Variants in MTUS2 observed in about 807,000 individuals in gnomAD.
MTUS2 encodes microtubule associated scaffold protein 2, also known as microtubule-associated tumor suppressor candidate 2.
Under a neutral mutation model 114.1 loss-of-function variants are expected in MTUS2, and 40 were observed. The observed-to-expected ratio is 0.35, with a 90% CI of 0.27 to 0.46. The LOEUF (loss-of-function observed/expected upper bound fraction) is 0.46. MTUS2 is among the 20% of genes least tolerant of loss of function. The pLI, the probability that MTUS2 is intolerant of heterozygous loss-of-function variation, is 1.00. For missense variants in MTUS2, 1,679 were observed against 1,705.4 expected (o/e 0.98, Z 0.27); for synonymous variants, 688 against 672.0 (o/e 1.02, Z -0.37).
intron 8 of MTUS2, among the ~76,000 whole-genome samples, chr13:29,419,060 T>C (rs1374823941): frequency 1.3e-5 from 2 of 152,206 alleles, no homozygotes; most frequent in African/African-American, 4.8e-5. Context: ...GACCTAACTT[T>C]TTGTTTCTTT....
intron 2 of MTUS2, among the ~76,000 whole-genome samples, chr13:28,988,189 G>GTATA (rs1884673940): frequency 1.3e-5 from 2 of 151,782 alleles, no homozygotes; most frequent in Non-Finnish European, 2.9e-5. Flanking sequence ...GGGACTGGAG[G>GTATA]GACAAAAGTG....
At chr13:29,340,790 CCTCA>C (rs1462733247) in intron 7 of MTUS2, among the ~76,000 whole-genome samples, 1 of 152,098 alleles carries the variant, frequency 6.6e-6, no homozygotes, top group Non-Finnish European at 1.5e-5. Context: ...GTCTTTCATC[CCTCA>C]CTCACTTCCC....
chr13:28,907,506 C>G (rs1286270197), intron 2 of MTUS2, among the ~76,000 whole-genome samples: 1 of 151,340 alleles, frequency 6.6e-6, no homozygotes, highest in South Asian at 2.1e-4. Context: ...TTCAGGAAAC[C>G]CATCTCACGT....
At chr13:29,124,800 G>A (rs1891449220) in intron 5 of MTUS2, among the ~76,000 whole-genome samples, 2 of 152,218 alleles carry the variant, frequency 1.3e-5, no homozygotes, top group African/African-American at 4.8e-5. Flanking sequence ...TGAACCTTGA[G>A]TACATTGTGC....
rs1232872957 is a variant in MTUS2 at position 29,260,101 on chromosome 13, CTG to C, written c.2645-21601_2645-21600del. On this transcript the variant is annotated intron_variant, in intron 5 of 15. Transcript: ENST00000612955. ...TCTAGTAATTTTAGCACTTTTAAAA[CTG>C]TTTATTTCTCTATGCCATAGGATGC... Among the ~76,000 whole-genome samples, 3 of 152,196 alleles carry C rather than the reference CTG, an allele frequency of 2.0e-5. No homozygotes were observed. The East Asian group carries it at 5.9e-4, about 30-fold the overall frequency.
At chr13:29,352,393 A>G (rs988185610) in intron 7 of MTUS2, among the ~76,000 whole-genome samples, 3 of 152,234 alleles carry the variant, frequency 2.0e-5, no homozygotes, top group African/African-American at 7.2e-5. Flanking sequence ...TTTTGATGCC[A>G]GCATTTTGAT....
At chr13:28,837,733 A>G (rs994488969) in intron 1 of MTUS2, among the ~76,000 whole-genome samples, 3 of 152,192 alleles carry the variant, frequency 2.0e-5, no homozygotes, top group African/African-American at 7.2e-5. Context: ...ATCTATGACC[A>G]TACCCATTAT....
At chr13:28,947,476 G>A (rs552400561) in intron 2 of MTUS2, among the ~76,000 whole-genome samples, 2 of 152,170 alleles carry the variant, frequency 1.3e-5, no homozygotes, top group South Asian at 2.1e-4. Flanking sequence ...ATATGTTTGC[G>A]AATGACATAT....
intron 2 of MTUS2, among the ~76,000 whole-genome samples, chr13:28,943,817 C>G (rs1347556082): frequency 1.3e-5 from 2 of 152,100 alleles, no homozygotes; most frequent in East Asian, 3.9e-4. Flanking sequence ...GGCCTGGGCT[C>G]TGGAGGGCAG....
intron 5 of MTUS2, among the ~76,000 whole-genome samples, chr13:29,230,376 C>T (rs1246207263): frequency 6.6e-6 from 1 of 152,240 alleles, no homozygotes; most frequent in Non-Finnish European, 1.5e-5. Context: ...GCTTGGAGCT[C>T]TAGGTTGCTG....
At chr13:28,963,823 T>A (rs1176496755) in intron 2 of MTUS2, among the ~76,000 whole-genome samples, 1 of 152,192 alleles carries the variant, frequency 6.6e-6, no homozygotes, top group Non-Finnish European at 1.5e-5. Flanking sequence ...TCAGTTGTCA[T>A]CTTATCCTTT....
chr13:29,450,644 G>A (rs1012858114), intron 9 of MTUS2, among the ~76,000 whole-genome samples: 3 of 152,098 alleles, frequency 2.0e-5, no homozygotes, highest in Non-Finnish European at 4.4e-5. Flanking sequence ...GAGTTTGTCA[G>A]ATTGGATAAA....
chr13:29,321,479 A>G (rs528171734), intron 6 of MTUS2, among the ~76,000 whole-genome samples: 10 of 152,362 alleles, frequency 6.6e-5, no homozygotes, highest in African/African-American at 2.4e-4. Context: ...TATCTGTGCT[A>G]TCAAGAATTC....
At chr13:29,047,074 G>A (rs1203400021) in intron 4 of MTUS2, among the ~76,000 whole-genome samples, 1 of 152,220 alleles carries the variant, frequency 6.6e-6, no homozygotes, top group East Asian at 1.9e-4. Flanking sequence ...CTGCGCAGAA[G>A]TAAAATTGCT....
intron 5 of MTUS2, among the ~76,000 whole-genome samples, chr13:29,234,693 T>G (rs573331660): frequency 6.8e-6 from 1 of 146,926 alleles, no homozygotes; most frequent in Admixed American, 6.9e-5. Context: ...TTTCGTGGAT[T>G]AGTCTGTTTC....
chr13:29,144,913 C>T (rs1892368974), intron 5 of MTUS2, among the ~76,000 whole-genome samples: 1 of 152,060 alleles, frequency 6.6e-6, no homozygotes, highest in South Asian at 2.1e-4. Context: ...GTATGTCTGC[C>T]ACAGTCATAT....
intron 11 of MTUS2, among the ~76,000 whole-genome samples, chr13:29,491,330 A>G (rs1216595616): frequency 7.2e-6 from 1 of 138,604 alleles, no homozygotes; most frequent in Non-Finnish European, 1.5e-5. Flanking sequence ...GGGTGTGATT[A>G]GTGTGTGTGG....
intron 8 of MTUS2, among the ~76,000 whole-genome samples, chr13:29,422,264 C>G (rs1216290299): frequency 6.6e-6 from 1 of 152,188 alleles, no homozygotes; most frequent in Non-Finnish European, 1.5e-5. Context: ...TAATCACTTC[C>G]TGGCTTTATG....
intron 5 of MTUS2, among the ~76,000 whole-genome samples, chr13:29,234,186 G>C (rs371422351): frequency 3.9e-5 from 6 of 152,080 alleles, no homozygotes; most frequent in Non-Finnish European, 4.4e-5. Context: ...AATTGATTTC[G>C]ATTTTTCACT....
Sources: allele counts gnomAD v4.1 joint callset (sites outside exome capture counted in the v4.1 genomes callset), GRCh38; gene constraint gnomAD v4.1.1; transcripts MANE v1.5; gene names NCBI Gene and HGNC (gene_info 2026-07-23, HGNC 2026-07-21).